RIPK1: variants seen among roughly 807,000 people sequenced by gnomAD.
RIPK1 encodes the protein receptor-interacting serine/threonine-protein kinase 1.
In RIPK1, 27 loss-of-function variants were observed where a neutral mutation model predicts 62.4. That is an observed-to-expected ratio of 0.43 (90% CI 0.32 to 0.60). The LOEUF is 0.60. Among genes scored for constraint, RIPK1 ranks in the 20% least tolerant of loss-of-function variants. The probability of loss-of-function intolerance (pLI) is 0.07; values close to 1 mark genes in which losing one functional copy is unlikely to be tolerated. For missense variants in RIPK1, 735 were observed against 831.0 expected (o/e 0.88, Z 1.42); for synonymous variants, 287 against 303.2 (o/e 0.95, Z 0.55).
intron 6 of RIPK1, among the ~76,000 whole-genome samples, chr6:3,088,167 T>C (rs549781626): frequency 6.6e-6 from 1 of 152,268 alleles, no homozygotes; most frequent in African/African-American, 2.4e-5. Flanking sequence ...AACTGAACTT[T>C]CCTGACACTG....
upstream of RIPK1, chr6:3,068,301 C>A: frequency 1.0e-6 from 1 of 985,530 alleles, no homozygotes; most frequent in South Asian, 4.7e-5. Flanking sequence ...CCCTCTCGTG[C>A]GCGCGGAGGT....
rs753235477 is a variant in RIPK1, at chr6:3,077,000, CA to C, written c.164+14del. On this transcript the variant is annotated intron_variant, in intron 2 of 10. Transcript: ENST00000259808. ...CCAACTGCATTGAGTGAGTAGGGAG[CA>C]GGGGTGGGTGGGCTAAGTTCTGAGC... 5.7e-5 allele frequency: 88 copies of C among 1,531,284 alleles called. No homozygotes were observed. The highest frequency in any genetic ancestry group is 1.7e-5 in the Non-Finnish European group (19 of 1,117,922). The allele number at this position is 1,531,284 out of a possible 1,614,324, so 94.9% of individuals were successfully genotyped here.
intron 7 of RIPK1, among the ~76,000 whole-genome samples, chr6:3,090,268 C>T (rs1014856379): frequency 6.6e-6 from 1 of 152,110 alleles, no homozygotes; most frequent in African/African-American, 2.4e-5. Flanking sequence ...AGGAACCAAT[C>T]AACTAAGAGG....
At chr6:3,089,866 A>G (rs984874615) in intron 7 of RIPK1, among the ~76,000 whole-genome samples, 22 of 152,260 alleles carry the variant, frequency 1.4e-4, no homozygotes, top group African/African-American at 9.6e-5. Flanking sequence ...GAGAGAAAAC[A>G]TATATAGCAA....
chr6:3,064,257 G>T (rs1758281689), upstream of RIPK1, among the ~76,000 whole-genome samples: 1 of 152,022 alleles, frequency 6.6e-6, no homozygotes, highest in Non-Finnish European at 1.5e-5. Flanking sequence ...TTCCGCCTCC[G>T]CAGCTCCCAG....
intron 7 of RIPK1, among the ~76,000 whole-genome samples, chr6:3,098,011 C>CA (rs1760401979): frequency 6.6e-6 from 1 of 152,112 alleles, no homozygotes; most frequent in Non-Finnish European, 1.5e-5. Flanking sequence ...GCCTGGGCAA[C>CA]ATAGTGAGAC....
chr6:3,110,880 A>G lies in RIPK1; in HGVS notation c.1654A>G (p.Thr552Ala), dbSNP rs1761121332. 2 of 1,609,996 alleles carry G rather than the reference A, an allele frequency of 1.2e-6. No homozygotes were observed. Among genetic ancestry groups the G allele is most frequent in the Non-Finnish European group, 1.7e-6 (2 of 1,176,296 alleles). Residue 552 changes from threonine (T) to alanine (A), a missense_variant, in exon 10 of 11, where the codon ACG becomes GCG. Around this residue, in one of 2 missense-constraint regions of RIPK1, gnomAD observed 671 missense variants for 726.2 expected, o/e 0.92. Transcript: ENST00000259808. ...GAYNYMEIGGTSSSLLDSTNT... is the reference protein window; with the variant it reads ...GAYNYMEIGGASSSLLDSTNT... Reference sequence around the variant, plus strand: ...CTACAATTATATGGAGATTGGTGGGACGAGTTCATCACTACTAGACAGCAC... The same window carrying G: ...CTACAATTATATGGAGATTGGTGGGGCGAGTTCATCACTACTAGACAGCAC...
intron 7 of RIPK1, among the ~76,000 whole-genome samples, chr6:3,100,890 G>T (rs995059230): frequency 6.6e-6 from 1 of 152,130 alleles, no homozygotes; most frequent in Non-Finnish European, 1.5e-5. Flanking sequence ...ACCATGTCTG[G>T]CCTGTTTGAA....
upstream of RIPK1, among the ~76,000 whole-genome samples, chr6:3,067,708 CAT>C (rs774584725): frequency 6.7e-6 from 1 of 149,950 alleles, no homozygotes; most frequent in African/African-American, 2.5e-5. Context: ...TCTTGACATA[CAT>C]ATCTTTTCAC....
At chr6:3,079,154 A>G (rs1759247035) in intron 3 of RIPK1, among the ~76,000 whole-genome samples, 1 of 151,916 alleles carries the variant, frequency 6.6e-6, no homozygotes, top group African/African-American at 2.4e-5. Context: ...ATCTCGGCTC[A>G]CTGCAACCTC....
chr6:3,072,861 G>A lies in RIPK1; in HGVS notation c.-60-3903G>A, dbSNP rs141542509. ...TCTGCCTGCTCCAGTGATGTGTAGT[G>A]AATGAAAAAGGAGGCCTAAAATCAA... On this transcript the variant is annotated intron_variant, in intron 1 of 10. Coordinates refer to ENST00000259808, the MANE Select transcript of RIPK1 (RefSeq NM_001354930.2). The surrounding 1 kb of genome is among the most constrained non-coding windows in gnomAD (Gnocchi z 5.6). Among the ~76,000 whole-genome samples the A allele has an allele frequency of 6.6e-6, 1 of 151,816 alleles. No individual in the cohort carries two copies. The highest frequency in any genetic ancestry group is 1.5e-5 in the Non-Finnish European group (1 of 68,024).
At chr6:3,070,224 TAAGAA>T (rs529504929) in intron 1 of RIPK1, among the ~76,000 whole-genome samples, 23 of 152,324 alleles carry the variant, frequency 1.5e-4, no homozygotes, top group Admixed American at 9.8e-4. Flanking sequence ...TAATGAGTAT[TAAGAA>T]AAGCTCTTAA....
rs765366424 is a variant in RIPK1, at chr6:3,077,851, G to C, written c.237G>C (p.Leu79=). The change falls in exon 3 of 11, where the codon CTG becomes CTC. Residue 79 remains leucine (L), a synonymous_variant. Coordinates refer to ENST00000259808, the MANE Select transcript of RIPK1 (RefSeq NM_001354930.2). ...GACACAGCCGGGTGGTGAAGCTCCT[G>C]GGCGTCATCATAGAGGAAGGGAAGT... The part of the protein sequence containing the change: ...RLRHSRVVKL[L]GVIIEEGKYS... 4 of 1,614,094 alleles carry C rather than the reference G, an allele frequency of 2.5e-6. No homozygotes were observed. The highest frequency in any genetic ancestry group is 2.5e-6 in the Non-Finnish European group (3 of 1,180,030).
intron 7 of RIPK1, among the ~76,000 whole-genome samples, chr6:3,102,408 T>C (rs1192630511): frequency 6.6e-6 from 1 of 152,152 alleles, no homozygotes; most frequent in African/African-American, 2.4e-5. Context: ...TTAGGTCCTC[T>C]CCCCACGATC....
At chr6:3,107,236 AGT>A (rs1237881976) in intron 9 of RIPK1, among the ~76,000 whole-genome samples, 1 of 148,962 alleles carries the variant, frequency 6.7e-6, no homozygotes, top group Non-Finnish European at 1.5e-5. Flanking sequence ...TGGGCAACAG[AGT>A]GAGATTGTGT....
At chr6:3,076,428 G>A (rs1759050834) in intron 1 of RIPK1, among the ~76,000 whole-genome samples, 1 of 152,036 alleles carries the variant, frequency 6.6e-6, no homozygotes, top group Non-Finnish European at 1.5e-5. Flanking sequence ...AGCACTTTGG[G>A]AGGCTGAGGT....
intron 5 of RIPK1, among the ~76,000 whole-genome samples, chr6:3,083,938 C>T (rs755086864): frequency 2.0e-5 from 3 of 152,172 alleles, no homozygotes; most frequent in East Asian, 3.9e-4. Context: ...CAGCTCGCCC[C>T]GCTTCACCCC....
At chr6:3,103,508 G>A (rs1760688368) in intron 7 of RIPK1, among the ~76,000 whole-genome samples, 1 of 152,040 alleles carries the variant, frequency 6.6e-6, no homozygotes. Context: ...CACCATGTTG[G>A]CCTGGCAGGT....
chr6:3,096,350 T>A (rs17548469), intron 7 of RIPK1, among the ~76,000 whole-genome samples: 164 of 152,212 alleles, frequency 1.1e-3, no homozygotes, highest in African/African-American at 3.9e-3. Flanking sequence ...AGTTTAGTTA[T>A]AAAAATCAAT....
Sources: allele counts gnomAD v4.1 joint callset (sites outside exome capture counted in the v4.1 genomes callset), GRCh38; gene constraint gnomAD v4.1.1; regional missense constraint gnomAD v4.1.1; non-coding constraint Gnocchi (gnomAD v3.1); transcripts MANE v1.5; gene names NCBI Gene and HGNC (gene_info 2026-07-23, HGNC 2026-07-21).